The following RTTN variants were observed in gnomAD, a reference collection of about 807,000 sequenced individuals.
RTTN encodes rotatin.
A neutral mutation model predicts 269.2 loss-of-function variants in RTTN; 182 were observed. The observed-to-expected ratio is 0.68, with a 90% confidence interval of 0.60 to 0.76. The LOEUF (loss-of-function observed/expected upper bound fraction) is 0.76. RTTN is among the 30% of genes least tolerant of loss of function. RTTN has a pLI of 0.00. For missense variants in RTTN, 2,545 were observed against 2,608.6 expected, an observed-to-expected ratio of 0.98 and a Z score of 0.53; for synonymous variants, 1,006 against 963.5, an observed-to-expected ratio of 1.04 and a Z score of -0.82.
chr18:70,094,233 T>C (rs1599502463), intron 28 of RTTN, among the ~76,000 whole-genome samples: 1 of 152,190 alleles, frequency 6.6e-6, no homozygotes, highest in East Asian at 1.9e-4. Context: ...TTGTTGATCT[T>C]TTCCAAAACA....
chr18:70,005,075 T>C, intron 48 of RTTN, 123 bp downstream of exon 48: 1 of 564,628 alleles, frequency 1.8e-6, no homozygotes, highest in Non-Finnish European at 3.1e-6. Flanking sequence ...TTAAAGCACA[T>C]ACTGAATATT....
chr18:70,157,216 G>A (rs180692849), intron 14 of RTTN, among the ~76,000 whole-genome samples: 25 of 152,244 alleles, frequency 1.6e-4, no homozygotes, highest in African/African-American at 3.9e-4. Flanking sequence ...AGTCACCATC[G>A]GAAAGTTGTT....
intron 28 of RTTN, among the ~76,000 whole-genome samples, chr18:70,105,062 C>T (rs188588718): frequency 6.2e-4 from 95 of 152,358 alleles, no homozygotes; most frequent in African/African-American, 2.3e-3. Flanking sequence ...GAGGTTTCTG[C>T]TGCCTTTTGT....
At chr18:70,186,707 A>G (rs750056640) in intron 10 of RTTN, among the ~76,000 whole-genome samples, 5 of 152,244 alleles carry the variant, frequency 3.3e-5, no homozygotes, top group Non-Finnish European at 7.3e-5. Context: ...GCATGAGATC[A>G]TATCCTTTGC....
At chr18:70,140,015 T>C in intron 20 of RTTN, 85 bp downstream of exon 20, 1 of 885,188 alleles carries the variant, frequency 1.1e-6, no homozygotes, top group South Asian at 1.5e-5. Context: ...ATCCAAGTAC[T>C]CATCCAAATT....
intron 17 of RTTN, among the ~76,000 whole-genome samples, chr18:70,148,089 T>C (rs918394864): frequency 3.3e-5 from 5 of 152,162 alleles, no homozygotes; most frequent in Non-Finnish European, 5.9e-5. Flanking sequence ...TTTCCTTATC[T>C]TTCAGTCCAA....
At chr18:70,023,519 TC>T (rs1169040618) in intron 44 of RTTN, among the ~76,000 whole-genome samples, 1 of 152,158 alleles carries the variant, frequency 6.6e-6, no homozygotes, top group Non-Finnish European at 1.5e-5. Context: ...TTTTAAATCT[TC>T]CCCATTTTAG....
chr18:70,193,239 C>G, intron 8 of RTTN, 49 bp downstream of exon 8: 2 of 1,430,568 alleles, frequency 1.4e-6, no homozygotes, highest in Non-Finnish European at 9.5e-7. Context: ...AACACACACA[C>G]AAGTTAACCG....
chr18:70,176,778 C>T lies in RTTN; in HGVS notation c.1373G>A (p.Ser458Asn), dbSNP rs762414788. 21 of 1,614,048 alleles carry T rather than the reference C, an allele frequency of 1.3e-5. No individual in the cohort carries two copies. Among genetic ancestry groups the T allele is most frequent in the East Asian group, 4.5e-5 (2 of 44,884 alleles). ...ETMCYHKSSI[S>N]LEQPEVMLVH... ...AAGCATCACCTCTGGCTGCTCCAAACTGATACTACTTTTATGGTAGCACAT... is the reference window on the plus strand; with the variant it reads ...AAGCATCACCTCTGGCTGCTCCAAATTGATACTACTTTTATGGTAGCACAT... The change falls in exon 11 of 49, where the codon AGT becomes AAT. Residue 458 changes from serine (S) to asparagine (N), a missense_variant. By Grantham distance (46) the Ser-to-Asn change is conservative. Coordinates refer to ENST00000640769, the MANE Select transcript of RTTN (RefSeq NM_173630.4).
intron 46 of RTTN, chr18:70,008,801 G>T (rs1197607586): frequency 6.6e-6 from 1 of 152,168 alleles, no homozygotes; most frequent in Non-Finnish European, 1.5e-5. Flanking sequence ...ACCTGAGAGT[G>T]ATGGGGAAAA....
In RTTN at chr18:70,062,805, G is replaced by C. The variant is rs1041538022; in HGVS notation, c.4748-2763C>G. 3.3e-5 allele frequency among the ~76,000 whole-genome samples: 5 copies of C among 151,920 alleles called. No homozygotes were observed. In the East Asian group the frequency reaches 7.7e-4, roughly 23 times the overall value. ...TTATTTTATATTTTGTAGAGATACA[G>C]TCTCACTATCGTGAAAAGTATCTCC... On this transcript the variant is annotated intron_variant, in intron 35 of 48. Coordinates refer to ENST00000640769, the MANE Select transcript of RTTN (RefSeq NM_173630.4).
At chr18:70,046,217 T>G (rs1385957740) in intron 40 of RTTN, among the ~76,000 whole-genome samples, 1 of 152,136 alleles carries the variant, frequency 6.6e-6, no homozygotes, top group Non-Finnish European at 1.5e-5. Context: ...CTGGAAGTCT[T>G]TAAATTTCCC....
At chr18:70,111,558 T>C (rs2886458) in intron 27 of RTTN, among the ~76,000 whole-genome samples, 125,636 of 152,104 alleles carry the variant, frequency 0.83, 55,240 homozygotes, top group East Asian at 1. Context: ...ATATCAGTGA[T>C]AGAAGATCAA....
chr18:70,055,329 A>T (rs2057787145), intron 37 of RTTN, among the ~76,000 whole-genome samples: 1 of 151,842 alleles, frequency 6.6e-6, no homozygotes, highest in African/African-American at 2.4e-5. Context: ...ACACACACAC[A>T]CACACACTTT....
intron 4 of RTTN, among the ~76,000 whole-genome samples, chr18:70,201,517 A>G (rs983799196): frequency 6.8e-6 from 1 of 146,128 alleles, no homozygotes; most frequent in Non-Finnish European, 1.5e-5. Context: ...CTGAGGCAGG[A>G]GAATGGCGTG....
chr18:70,174,433 T>G (rs568113178), intron 11 of RTTN, among the ~76,000 whole-genome samples: 19 of 152,246 alleles, frequency 1.2e-4, no homozygotes, highest in African/African-American at 3.6e-4. Context: ...TATTTTTAAA[T>G]TATGCTTATA....
At chr18:70,202,188 T>A (rs2061971271) in intron 3 of RTTN, among the ~76,000 whole-genome samples, 1 of 152,202 alleles carries the variant, frequency 6.6e-6, no homozygotes, top group African/African-American at 2.4e-5. Flanking sequence ...AGAAGCTTTT[T>A]CCCTCTCACT....
In RTTN at chr18:70,204,210, A is replaced by C. The variant is rs745993486; in HGVS notation, c.273T>G (p.Ser91=). 1 of 1,614,142 alleles carries C rather than the reference A, an allele frequency of 6.2e-7. No homozygotes were observed. Among genetic ancestry groups the C allele is most frequent in the South Asian group, 1.1e-5 (1 of 91,068 alleles). ...TTGGCTCCACATTAGACCGAAGCTT[A>C]GATAAGAACTCTACTGCACCAACGT... is the stretch of plus-strand genomic sequence containing the variant. ...LVDVGAVEFL[S]KLRSNVEPNL... is the part of the protein sequence containing the mutation. The change falls in exon 3 of 49, where the codon TCT becomes TCG. Residue 91 remains serine (S), a synonymous_variant. Coordinates refer to ENST00000640769, the MANE Select transcript of RTTN (RefSeq NM_173630.4).
At chr18:70,101,674 G>A (rs754461794) in intron 28 of RTTN, among the ~76,000 whole-genome samples, 5 of 152,168 alleles carry the variant, frequency 3.3e-5, no homozygotes, top group Non-Finnish European at 7.3e-5. Flanking sequence ...ATGTTAGGGT[G>A]TCAATTTTAG....
Sources: allele counts gnomAD v4.1 joint callset (sites outside exome capture counted in the v4.1 genomes callset), GRCh38; gene constraint gnomAD v4.1.1; transcripts MANE v1.5; gene names NCBI Gene and HGNC (gene_info 2026-07-23, HGNC 2026-07-21).